Variants in NEDD9 observed in about 807,000 individuals in gnomAD.
NEDD9 encodes neural precursor cell expressed, developmentally down-regulated 9.
In NEDD9, 26 loss-of-function variants were observed where a neutral mutation model predicts 76.6. The observed-to-expected ratio is 0.34, with a 90% CI of 0.25 to 0.47. The LOEUF (loss-of-function observed/expected upper bound fraction) is 0.47, where lower values mean the gene tolerates loss of function less well. Ranked by LOEUF, NEDD9 falls within the 20% of genes least tolerant of loss-of-function variation. NEDD9 has a pLI of 1.00. For missense variants in NEDD9, 937 were observed against 1,058.5 expected, an observed-to-expected ratio of 0.89 and a Z score of 1.59; for synonymous variants, 392 against 414.2, an observed-to-expected ratio of 0.95 and a Z score of 0.65.
chr6:11,316,043 C>G (rs1276538668), intron 2 of NEDD9, among the ~76,000 whole-genome samples: 1 of 152,228 alleles, frequency 6.6e-6, no homozygotes, highest in African/African-American at 2.4e-5. Context: ...TCTTTGCCAG[C>G]AGATTTTTAG....
In NEDD9 at chr6:11,192,364, T is replaced by A; in HGVS notation, c.644A>T (p.Asp215Val). 1 of 1,583,880 alleles carries A rather than the reference T, an allele frequency of 6.3e-7. No individual in the cohort carries two copies. Among genetic ancestry groups the A allele is most frequent in the Non-Finnish European group, 8.6e-7 (1 of 1,166,222 alleles). Residue 215 changes from aspartate to valine, a missense_variant, in exon 4 of 7, where the codon GAC (aspartate) becomes GTC (valine). Asp to Val is a radical substitution (Grantham distance 152, BLOSUM62 -3). Coordinates refer to ENST00000379446, the MANE Select transcript of NEDD9 (RefSeq NM_006403.4). ...ACTCACCCCTTTTGTAGGCGGGATG[T>A]CATACACCCCTTGAGGTTTTATCTC... ...VGEIKPQGVYDIPPTKGVYAI... is the reference protein window; with the variant it reads ...VGEIKPQGVYVIPPTKGVYAI...
Position 11,308,660 on chromosome 6 carries a change from C to T in NEDD9, c.-152-2505G>A, listed in dbSNP as rs139102281. On this transcript the variant is annotated intron_variant, in intron 2 of 3. Transcript: ENST00000397378. ...CTGGGATTACAGGCGTGAGCCACCG[C>T]GCCCGGCCGGGACATCTTTTATTTA... Among the ~76,000 whole-genome samples, 563 of 152,086 alleles carry T rather than the reference C, an allele frequency of 3.7e-3. 5 individuals are homozygous for T. Among genetic ancestry groups the T allele is most frequent in the Admixed American group, 0.016 (250 of 15,292 alleles).
intron 3 of NEDD9, among the ~76,000 whole-genome samples, chr6:11,291,963 C>T (rs1760785445): frequency 6.6e-6 from 1 of 152,062 alleles, no homozygotes; most frequent in Admixed American, 6.5e-5. Context: ...AGTTCTCTGT[C>T]ATTGTCATAT....
intron 2 of NEDD9, among the ~76,000 whole-genome samples, chr6:11,323,329 C>G (rs1363668453): frequency 6.6e-6 from 1 of 152,214 alleles, no homozygotes; most frequent in Non-Finnish European, 1.5e-5. Flanking sequence ...TAGAAGGAAG[C>G]CAAAGCAATA....
At chr6:11,201,173 C>A in intron 2 of NEDD9, 1 of 1,081,716 alleles carries the variant, frequency 9.2e-7, no homozygotes, top group Non-Finnish European at 1.4e-6. Context: ...TAATGCAGAG[C>A]TGGCTAGGTG....
chr6:11,350,032 T>C (rs2950), intron 1 of NEDD9, among the ~76,000 whole-genome samples: 36,357 of 152,210 alleles, frequency 0.24, 5,462 homozygotes, highest in Admixed American at 0.35. Flanking sequence ...TAGGCTGAGA[T>C]GTTCATAGTT....
At chr6:11,332,315 T>C (rs977914595) in intron 2 of NEDD9, among the ~76,000 whole-genome samples, 1 of 152,216 alleles carries the variant, frequency 6.6e-6, no homozygotes, top group African/African-American at 2.4e-5. Flanking sequence ...TGTGGTGCAG[T>C]GAACAATGGT....
intron 3 of NEDD9, among the ~76,000 whole-genome samples, chr6:11,243,013 G>A (rs1052365139): frequency 6.6e-6 from 1 of 152,176 alleles, no homozygotes; most frequent in African/African-American, 2.4e-5. Context: ...TGCTGAGTGA[G>A]CTATCAAAAT....
intron 1 of NEDD9, among the ~76,000 whole-genome samples, chr6:11,363,434 T>C (rs1762712057): frequency 6.6e-6 from 1 of 152,076 alleles, no homozygotes; most frequent in Non-Finnish European, 1.5e-5. Flanking sequence ...TGGATACGTA[T>C]CCTGAAAAAT....
At chr6:11,233,192 T>G (rs868293685), upstream of NEDD9, 38 of 516,812 alleles carry the variant, frequency 7.4e-5, no homozygotes, top group Middle Eastern at 3.2e-4. Flanking sequence ...CGCCTACTTT[T>G]TGTGTGTGTG....
chr6:11,336,177 G>A (rs1293841346), intron 1 of NEDD9, among the ~76,000 whole-genome samples: 2 of 152,222 alleles, frequency 1.3e-5, no homozygotes, highest in East Asian at 1.9e-4. Context: ...GGAGTTAACG[G>A]TTTTCTTTCT....
chr6:11,193,667 T>A lies in NEDD9; in HGVS notation c.485A>T (p.His162Leu). The change falls in exon 3 of 7, where the codon CAT becomes CTT. Residue 162 changes from histidine (H) to leucine (L), a missense_variant. Physicochemically the swap from His to Leu is moderately conservative, Grantham distance 99 (BLOSUM62 -3). Transcript: ENST00000379446. ...GGATGGGTACTCGTATACGTAGCCA[T>A]GGCCTGTCCTCACGGGGGTTATCAC... is the stretch of plus-strand genomic sequence containing the variant. ...KKVITPVRTG[H>L]GYVYEYPSRY... 6.2e-7 allele frequency: 1 copy of A among 1,613,996 alleles called. No homozygotes were observed. Among genetic ancestry groups the A allele is most frequent in the Non-Finnish European group, 8.5e-7 (1 of 1,179,890 alleles).
chr6:11,357,977 T>C (rs61543598), intron 1 of NEDD9, among the ~76,000 whole-genome samples: 44,056 of 151,996 alleles, frequency 0.29, 6,577 homozygotes, highest in East Asian at 0.41. Context: ...TGGGGCCGCA[T>C]GGTGGCTCAC....
At chr6:11,374,898 TC>T (rs1449861610) in intron 1 of NEDD9, among the ~76,000 whole-genome samples, 1 of 152,148 alleles carries the variant, frequency 6.6e-6, no homozygotes, top group African/African-American at 2.4e-5. Context: ...CCAGGAAGAT[TC>T]TTTTTTTTCT....
At chr6:11,285,767 G>C (rs1272064031) in intron 3 of NEDD9, among the ~76,000 whole-genome samples, 1 of 152,142 alleles carries the variant, frequency 6.6e-6, no homozygotes. Flanking sequence ...GAGAAACATA[G>C]TTCTTTCAAC....
At chr6:11,264,317 G>A (rs1353135325) in intron 3 of NEDD9, among the ~76,000 whole-genome samples, 1 of 152,158 alleles carries the variant, frequency 6.6e-6, no homozygotes, top group Non-Finnish European at 1.5e-5. Flanking sequence ...GCCCCCAGAG[G>A]AAGAATCAGG....
At chr6:11,330,861 A>T (rs1422975088) in intron 2 of NEDD9, among the ~76,000 whole-genome samples, 1 of 152,232 alleles carries the variant, frequency 6.6e-6, no homozygotes, top group African/African-American at 2.4e-5. Context: ...ACCCCAAGCA[A>T]GTAAGCACCT....
chr6:11,249,736 G>C (rs905088941), intron 3 of NEDD9, among the ~76,000 whole-genome samples: 4 of 152,194 alleles, frequency 2.6e-5, no homozygotes, highest in Admixed American at 6.5e-5. Flanking sequence ...ATGTACATGT[G>C]CCAGGTTTTT....
At chr6:11,265,477 T>G (rs1760184562) in intron 3 of NEDD9, among the ~76,000 whole-genome samples, 2 of 152,246 alleles carry the variant, frequency 1.3e-5, no homozygotes, top group African/African-American at 4.8e-5. Flanking sequence ...TTTTCCAGCA[T>G]GTATGGATGG....
Sources: allele counts gnomAD v4.1 joint callset (sites outside exome capture counted in the v4.1 genomes callset), GRCh38; gene constraint gnomAD v4.1.1; transcripts MANE v1.5; gene names NCBI Gene and HGNC (gene_info 2026-07-23, HGNC 2026-07-21).